PXDN: variants seen among roughly 807,000 people sequenced by gnomAD.
The protein encoded by PXDN is peroxidasin.
A neutral mutation model predicts 140.3 loss-of-function variants in PXDN; 77 were observed. The observed-to-expected ratio is 0.55, with a 90% confidence interval of 0.46 to 0.66. PXDN has a LOEUF of 0.66. Among genes scored for constraint, PXDN ranks in the 30% least tolerant of loss-of-function variants. The pLI, the probability that PXDN is intolerant of heterozygous loss-of-function variation, is 0.00. For synonymous variants in PXDN, 911 were observed against 857.4 expected, an observed-to-expected ratio of 1.06 and a Z score of -1.09; for missense variants, 1,838 against 2,039.5, an observed-to-expected ratio of 0.90 and a Z score of 1.90.
chr2:1,728,205 T>A (rs1364165552), intron 1 of PXDN, among the ~76,000 whole-genome samples: 3 of 152,246 alleles, frequency 2.0e-5, no homozygotes, highest in African/African-American at 7.2e-5. Flanking sequence ...CCCAAAGTGC[T>A]GGGATTACAA....
chr2:1,688,522 G>A (rs1355547668), intron 3 of PXDN, among the ~76,000 whole-genome samples: 4 of 152,246 alleles, frequency 2.6e-5, no homozygotes, highest in Admixed American at 1.3e-4. Flanking sequence ...AAAACCATGC[G>A]CATTGTGCCC....
In PXDN at chr2:1,644,709, C is replaced by T. The variant is rs749982716; in HGVS notation, c.3652G>A (p.Val1218Met). The T allele has an allele frequency of 9.4e-6, 15 of 1,598,038 alleles. No individual in the cohort carries two copies. The highest frequency in any genetic ancestry group is 2.3e-5 in the East Asian group (1 of 44,296). Residue 1218 changes from valine to methionine, a missense_variant, in exon 18 of 23, where the codon GTG becomes ATG. This residue lies in a region of PXDN where 850 missense variants were observed against 894.1 expected (regional missense o/e 0.95). Coordinates refer to ENST00000252804, the MANE Select transcript of PXDN (RefSeq NM_012293.3). ...CTGCCAGGCACCAGGTCCTCCACCA[C>T]GAGCGCCGGAAACAGGTCGATGTTG... ...TLNIDLFPAL[V>M]VEDLVPGSRL... is the part of the protein sequence containing the mutation.
chr2:1,700,118 G>C (rs897207346), intron 1 of PXDN, among the ~76,000 whole-genome samples: 3 of 152,054 alleles, frequency 2.0e-5, no homozygotes, highest in Non-Finnish European at 2.9e-5. Flanking sequence ...CTGGAGTGGA[G>C]TGGCGCGATC....
intron 1 of PXDN, among the ~76,000 whole-genome samples, chr2:1,720,613 C>CTCTCTCTGCATCTCTTTCTT (rs1685019317): frequency 7.2e-6 from 1 of 138,946 alleles, no homozygotes; most frequent in African/African-American, 2.6e-5. Flanking sequence ...TCAGATACAG[C>CTCTCTCTGCATCTCTTTCTT]TCTCTCTGCA....
chr2:1,648,151 C>A lies in PXDN; in HGVS notation c.3608+21G>T. 1 of 1,604,474 alleles carries A rather than the reference C, an allele frequency of 6.2e-7. No individual in the cohort carries two copies. The highest frequency in any genetic ancestry group is 8.5e-7 in the Non-Finnish European group (1 of 1,173,516). ...AGGTGCCTAGGTACACGAGCCATCC[C>A]ACACAGCCTCTTCAGCTCACCTTTT... is the stretch of plus-strand genomic sequence containing the variant. On this transcript the variant is annotated intron_variant, in intron 17 of 22. Transcript: ENST00000252804. The surrounding 1 kb of genome is among the most constrained non-coding windows in gnomAD (Gnocchi z 8.9).
At position 1,695,737 on chromosome 2, in the gene PXDN, G is replaced by C. The variant is rs372293645; in HGVS notation, c.201-2603C>G. On this transcript the variant is annotated intron_variant, in intron 1 of 22. Transcript: ENST00000252804. ...ACAGGCCCCTGTGCCCTGCTGGACA[G>C]AGAGGTGCTGTCCCATCCACAGGCC... 4.1e-3 allele frequency among the ~76,000 whole-genome samples: 252 copies of C among 61,480 alleles called. 1 individual carries two copies. Among genetic ancestry groups the C allele is most frequent in the African/African-American group, 0.013 (185 of 14,080 alleles). 40.3% of individuals were successfully genotyped at this position (61,480 alleles called of 152,430 possible).
intron 8 of PXDN, 25 bp downstream of exon 8, chr2:1,676,902 G>A: frequency 6.3e-7 from 1 of 1,589,554 alleles, no homozygotes; most frequent in Non-Finnish European, 8.6e-7. Context: ...ATGCACAGGG[G>A]CATTTCTGTT....
intron 19 of PXDN, among the ~76,000 whole-genome samples, chr2:1,640,615 G>A (rs911107002): frequency 1.3e-5 from 2 of 152,134 alleles, no homozygotes; most frequent in South Asian, 2.1e-4. Context: ...TGGACCCCTC[G>A]CTTCTTCCAC....
Position 1,673,775 on chromosome 2 carries a change from A to C in PXDN, c.886T>G (p.Leu296Val). 1 of 1,613,978 alleles carries C rather than the reference A, an allele frequency of 6.2e-7. No individual in the cohort carries two copies. The highest frequency in any genetic ancestry group is 8.5e-7 in the Non-Finnish European group (1 of 1,179,872). The change falls in exon 9 of 23, where the codon TTG becomes GTG. Residue 296 changes from leucine (L) to valine (V), a missense_variant. Physicochemically the swap from Leu to Val is conservative, Grantham distance 32. Transcript: ENST00000252804. ...ATCATCAGGGTCCCATCGTCCAGCA[A>C]GTTTAGGCGGGAATCTGTCTTCATG... Reference protein sequence around the residue: ...LSMKTDSRLNLLDDGTLMIQN... With the variant: ...LSMKTDSRLNVLDDGTLMIQN...
intron 1 of PXDN, among the ~76,000 whole-genome samples, chr2:1,693,954 G>A (rs1684240143): frequency 6.6e-6 from 1 of 152,258 alleles, no homozygotes; most frequent in Admixed American, 6.5e-5. Flanking sequence ...CCTGAAGGCA[G>A]CGATGGGAAG....
chr2:1,688,351 G>T (rs1271745471), intron 3 of PXDN, among the ~76,000 whole-genome samples: 1 of 152,206 alleles, frequency 6.6e-6, no homozygotes, highest in Non-Finnish European at 1.5e-5. Context: ...CGCTCACTCC[G>T]CACCATCTGG....
chr2:1,744,653 G>C, upstream of PXDN: 1 of 424,000 alleles, frequency 2.4e-6, no homozygotes. Context: ...CCCAGCGTCC[G>C]GCCTGAGCGC....
chr2:1,637,866 TGGG>T (rs1188883200), intron 21 of PXDN, among the ~76,000 whole-genome samples: 1 of 9,830 alleles, frequency 1.0e-4, no homozygotes, highest in Admixed American at 2.0e-3. Context: ...GACAGCTGCC[TGGG>T]GACTTGCACC....
chr2:1,728,893 A>G (rs1685249846), intron 1 of PXDN, among the ~76,000 whole-genome samples: 1 of 152,238 alleles, frequency 6.6e-6, no homozygotes. Context: ...GTCCTCTAGA[A>G]GCGAGACAGG....
chr2:1,697,425 T>C (rs922207996), intron 1 of PXDN, among the ~76,000 whole-genome samples: 2 of 152,118 alleles, frequency 1.3e-5, no homozygotes, highest in Non-Finnish European at 2.9e-5. Context: ...GTACTTAAAT[T>C]TAAGTGCCAC....
At chr2:1,653,142 T>G (rs1683052276) in intron 16 of PXDN, 1 of 239,930 alleles carries the variant, frequency 4.2e-6, no homozygotes, top group African/African-American at 2.2e-5. Context: ...GTGGGGGACA[T>G]ACCTCCCCCA....
At chr2:1,729,565 G>T (rs1485120684) in intron 1 of PXDN, among the ~76,000 whole-genome samples, 2 of 148,724 alleles carry the variant, frequency 1.3e-5, no homozygotes, top group African/African-American at 5.1e-5. Flanking sequence ...ACAGCAGGGT[G>T]GGGGAGGGGG....
chr2:1,679,435 T>C (rs1051654142), intron 7 of PXDN, among the ~76,000 whole-genome samples: 1 of 148,562 alleles, frequency 6.7e-6, no homozygotes, highest in Admixed American at 6.7e-5. Flanking sequence ...TGTGTGTGTA[T>C]GTGCGTGTGT....
In PXDN at chr2:1,687,593, G is replaced by A. The variant is rs761871595; in HGVS notation, c.416+39C>T. 4.9e-6 allele frequency: 7 copies of A among 1,425,506 alleles called. No homozygotes were observed. In the South Asian group the frequency reaches 5.1e-5, roughly 10 times the overall value. 88.3% of individuals were successfully genotyped at this position (1,425,506 alleles called of 1,614,324 possible). The stretch of plus-strand genomic sequence containing the variant: ...CCTACAAGAGGAAAACAGCCAGACG[G>A]CATCCAAGAACTAAAGCACGAAGAG... On this transcript the variant is annotated intron_variant, in intron 4 of 22. Transcript: ENST00000252804. The surrounding 1 kb of genome is among the most constrained non-coding windows in gnomAD (Gnocchi z 4.0).
Sources: allele counts gnomAD v4.1 joint callset (sites outside exome capture counted in the v4.1 genomes callset), GRCh38; gene constraint gnomAD v4.1.1; regional missense constraint gnomAD v4.1.1; non-coding constraint Gnocchi (gnomAD v3.1); transcripts MANE v1.5; gene names NCBI Gene and HGNC (gene_info 2026-07-23, HGNC 2026-07-21).